Variants in CYP3A4 observed in about 807,000 individuals in gnomAD.
CYP3A4 encodes cytochrome P450 family 3 subfamily A member 4.
CYP3A4 carries 41 observed loss-of-function variants against 54.9 expected under a neutral mutation model. The observed-to-expected ratio is 0.75, with a 90% confidence interval of 0.58 to 0.97. The LOEUF (loss-of-function observed/expected upper bound fraction) is 0.97. Ranked by LOEUF, CYP3A4 falls within the 50% of genes least tolerant of loss-of-function variation. The pLI is 0.00. For synonymous variants in CYP3A4, 179 were observed against 205.2 expected (o/e 0.87, Z 1.09); for missense variants, 510 against 597.3 (o/e 0.85, Z 1.52).
chr7:99,770,294 T>C, intron 4 of CYP3A4, 59 bp from the exon 5 acceptor site: 1 of 1,463,146 alleles, frequency 6.8e-7, no homozygotes, highest in South Asian at 1.1e-5. Flanking sequence ...TCCATGGTTG[T>C]AGAAAATGTG....
chr7:99,769,715 C>T lies in CYP3A4; in HGVS notation c.521+53G>A. The T allele has an allele frequency of 2.5e-6, 4 of 1,578,422 alleles. No homozygotes were observed. The Admixed American group carries it at 5.2e-5, about 21-fold the overall frequency. On this transcript the variant is annotated intron_variant, in intron 6 of 12. Transcript: ENST00000651514. ...GCAGGAATATCAGCTCCATGGCAGG[C>T]AGCTGGAGGGGTTCATGACAGCTCA... is the stretch of plus-strand genomic sequence containing the variant.
At chr7:99,761,530 T>A (rs1815333012) in intron 11 of CYP3A4, among the ~76,000 whole-genome samples, 1 of 151,914 alleles carries the variant, frequency 6.6e-6, no homozygotes, top group Non-Finnish European at 1.5e-5. Flanking sequence ...CCCCCACACC[T>A]CCATAGAATA....
At chr7:99,783,904 C>T (rs898867793) in intron 1 of CYP3A4, 107 bp downstream of exon 1, 32 of 1,327,614 alleles carry the variant, frequency 2.4e-5, no homozygotes, top group African/African-American at 2.9e-5. Flanking sequence ...CCACCACGCC[C>T]GGCCTGAACA....
intron 1 of CYP3A4, among the ~76,000 whole-genome samples, chr7:99,781,400 C>A (rs1202363045): frequency 6.6e-6 from 1 of 152,162 alleles, no homozygotes; most frequent in Non-Finnish European, 1.5e-5. Context: ...TGGTCAATCA[C>A]AAAGCAGTCA....
At chr7:99,759,737 G>A (rs1331474999) in intron 12 of CYP3A4, among the ~76,000 whole-genome samples, 2 of 152,142 alleles carry the variant, frequency 1.3e-5, no homozygotes, top group African/African-American at 4.8e-5. Flanking sequence ...ACAGAGCAGA[G>A]AAGTAAATGG....
At chr7:99,783,034 G>T (rs1311322119) in intron 1 of CYP3A4, among the ~76,000 whole-genome samples, 1 of 152,132 alleles carries the variant, frequency 6.6e-6, no homozygotes, top group Admixed American at 6.5e-5. Context: ...AAAATAGAAT[G>T]AATTTAAGCC....
Position 99,783,606 on chromosome 7 carries a change from C to CTTTTT in CYP3A4, c.71+400_71+404dup, listed in dbSNP as rs11432957. The stretch of plus-strand genomic sequence containing the variant: ...ACTTAAGCTACTGCTCCTTGAACAT[C>CTTTTT]TTTTTTTTTTTTTTTTTTTTTTGAG... On this transcript the variant is annotated intron_variant, in intron 1 of 12. Coordinates refer to ENST00000651514, the MANE Select transcript of CYP3A4 (RefSeq NM_017460.6). Among the ~76,000 whole-genome samples, 36 of 103,806 alleles carry CTTTTT rather than the reference C, an allele frequency of 3.5e-4. 1 individual carries two copies. The highest frequency in any genetic ancestry group is 4.9e-4 in the Non-Finnish European group (27 of 54,764). 68.1% of individuals were successfully genotyped at this position (103,806 alleles called of 152,430 possible).
chr7:99,758,530 C>T (rs1815239585), intron 12 of CYP3A4, among the ~76,000 whole-genome samples: 1 of 152,172 alleles, frequency 6.6e-6, no homozygotes, highest in East Asian at 1.9e-4. Context: ...GAGTACTATT[C>T]TGTGCCAGGC....
chr7:99,777,089 T>C (rs1169527323), intron 3 of CYP3A4, among the ~76,000 whole-genome samples: 1 of 152,230 alleles, frequency 6.6e-6, no homozygotes. Context: ...TTCTCTATTA[T>C]CTCTCAACCC....
chr7:99,770,120 A>G lies in CYP3A4; in HGVS notation c.432+2T>C. On this transcript the variant is annotated splice_donor_variant, in intron 5 of 12. Transcript: ENST00000651514. LOFTEE classifies it high-confidence loss of function. ...TTATTAAAACTCATGTTATTTTCAT[A>G]CCTCCTTGAGTTTTCCACTGGTGAA... The G allele has an allele frequency of 6.2e-7, 1 of 1,607,694 alleles. No individual in the cohort carries two copies. The highest frequency in any genetic ancestry group is 1.1e-5 in the South Asian group (1 of 90,928).
chr7:99,769,085 T>C (rs1464288914), intron 6 of CYP3A4, among the ~76,000 whole-genome samples: 1 of 152,132 alleles, frequency 6.6e-6, no homozygotes, highest in Non-Finnish European at 1.5e-5. Context: ...TTTTGTAAAA[T>C]ATAATGACCA....
At chr7:99,766,692 G>A (rs1815484553) in intron 8 of CYP3A4, 2 of 518,918 alleles carry the variant, frequency 3.9e-6, no homozygotes, top group East Asian at 3.3e-5. Context: ...ACTTCAGCAG[G>A]TGGCCTGATA....
intron 12 of CYP3A4, among the ~76,000 whole-genome samples, chr7:99,760,458 T>C (rs1815289871): frequency 6.6e-6 from 1 of 152,202 alleles, no homozygotes. Context: ...CAAGTTCTGG[T>C]TGGGAAGAGC....
intron 4 of CYP3A4, among the ~76,000 whole-genome samples, chr7:99,770,960 A>G (rs1321523368): frequency 1.3e-5 from 2 of 152,136 alleles, no homozygotes; most frequent in East Asian, 3.9e-4. Context: ...AACTAGGGAG[A>G]GAAAATTCCT....
rs10267228 is a variant in CYP3A4, at chr7:99,766,190, G to C, written c.865+187C>G. ...TGCTTAGGGTTGCCCTTTACTCTTA[G>C]AACATGGCTATCTATGCCTGCATGC... On this transcript the variant is annotated intron_variant, in intron 9 of 12. Coordinates refer to ENST00000651514, the MANE Select transcript of CYP3A4 (RefSeq NM_017460.6). 0.059 allele frequency among the ~76,000 whole-genome samples: 8,963 copies of C among 152,036 alleles called. 840 individuals are homozygous for C. Among genetic ancestry groups the C allele is most frequent in the African/African-American group, 0.2 (8,338 of 41,426 alleles).
chr7:99,758,490 C>T (rs1815238055), intron 12 of CYP3A4, among the ~76,000 whole-genome samples: 2 of 152,164 alleles, frequency 1.3e-5, no homozygotes, highest in Admixed American at 1.3e-4. Flanking sequence ...TGAGAGCATT[C>T]ATCATCTATC....
intron 3 of CYP3A4, among the ~76,000 whole-genome samples, chr7:99,777,636 A>G (rs1815805562): frequency 6.6e-6 from 1 of 152,218 alleles, no homozygotes; most frequent in South Asian, 2.1e-4. Context: ...CACAAAGGCC[A>G]TCCCAACATT....
chr7:99,778,013 T>C lies in CYP3A4; in HGVS notation c.218+15A>G. On this transcript the variant is annotated intron_variant, in intron 3 of 12. Coordinates refer to ENST00000651514, the MANE Select transcript of CYP3A4 (RefSeq NM_017460.6). Reference sequence around the variant, plus strand: ...AGAAACAAGTCTATCCAATGGAAGTTTCCAGAATACTCACCCCCACACTTT... The same window carrying C: ...AGAAACAAGTCTATCCAATGGAAGTCTCCAGAATACTCACCCCCACACTTT... 1 of 1,609,256 alleles carries C rather than the reference T, an allele frequency of 6.2e-7. No individual in the cohort carries two copies. The highest frequency in any genetic ancestry group is 8.5e-7 in the Non-Finnish European group (1 of 1,175,714).
At position 99,780,030 on chromosome 7, in the gene CYP3A4, G is replaced by A. The variant is rs367582027; in HGVS notation, c.127C>T (p.Pro43Ser). 2.7e-5 allele frequency: 43 copies of A among 1,613,568 alleles called. No homozygotes were observed. Among genetic ancestry groups the A allele is most frequent in the East Asian group, 2.2e-5 (1 of 44,872 alleles). ...AAAATATTTCCCAAAAAAGGCAGAG[G>A]TGTGGGCCCTGGAATTCCAAGCTTC... ...FKKLGIPGPT[P>S]LPFLGNILSY... is the part of the protein sequence containing the mutation. Residue 43 changes from proline (P) to serine (S), a missense_variant, in exon 2 of 13, where the codon CCT (proline) becomes TCT (serine). Pro to Ser is a moderately conservative substitution (Grantham distance 74). Transcript: ENST00000651514.
Sources: gnomAD v4.1 joint callset for allele counts (sites outside exome capture counted in the v4.1 genomes callset) on GRCh38, gnomAD v4.1.1 for gene constraint, MANE v1.5 for transcripts, NCBI Gene and HGNC (gene_info 2026-07-23, HGNC 2026-07-21) for gene names.